Variants in DIAPH2 observed in about 807,000 individuals in gnomAD.
DIAPH2 encodes the protein diaphanous related formin 2.
DIAPH2 carries 35 observed loss-of-function variants against 92.7 expected under a neutral mutation model. The ratio of observed to expected loss-of-function variants is 0.38; its 90% CI spans 0.29 to 0.50. The LOEUF (loss-of-function observed/expected upper bound fraction) is 0.50. DIAPH2 is among the 20% of genes least tolerant of loss of function. The pLI is 0.94. For missense variants in DIAPH2, 701 were observed against 819.5 expected, an observed-to-expected ratio of 0.86 and a Z score of 1.77; for synonymous variants, 301 against 280.4, an observed-to-expected ratio of 1.07 and a Z score of -0.73.
At position 96,754,923 on chromosome X, in the gene DIAPH2, C is replaced by CAAA. The variant is rs1007573600; in HGVS notation, c.343-3204_343-3202dup. 2.7e-3 allele frequency among the ~76,000 whole-genome samples: 43 copies of CAAA among 15,994 alleles called. 1 individual carries two copies. The highest frequency in any genetic ancestry group is 4.0e-3 in the Non-Finnish European group (37 of 9,332). 13.9% of individuals were successfully genotyped at this position (15,994 alleles called of 115,157 possible). On this transcript the variant is annotated intron_variant, in intron 3 of 26. Coordinates refer to ENST00000324765, the MANE Select transcript of DIAPH2 (RefSeq NM_006729.5). ...TGGGCAACAGAGCAAGTCTCCACCT[C>CAAA]AAAAAAAAAAAAAAAAAAAAAAAAA... is the stretch of plus-strand genomic sequence containing the variant.
chrX:96,851,472 C>A (rs777370402), intron 4 of DIAPH2, among the ~76,000 whole-genome samples: 14 of 111,696 alleles, frequency 1.3e-4, no homozygotes, highest in African/African-American at 3.3e-4. Flanking sequence ...AACCACCCCC[C>A]CTTGCCAAAT....
At chrX:97,181,337 CTG>C (rs1169108762) in intron 22 of DIAPH2, among the ~76,000 whole-genome samples, 6 of 111,231 alleles carry the variant, frequency 5.4e-5, no homozygotes, top group African/African-American at 2.0e-4. Context: ...TCCCAACATA[CTG>C]TGATTACAGG....
At chrX:96,753,057 T>C (rs1254533198) in intron 3 of DIAPH2, among the ~76,000 whole-genome samples, 1 of 111,751 alleles carries the variant, frequency 8.9e-6, no homozygotes, top group Non-Finnish European at 1.9e-5. Flanking sequence ...GAAATGTCAC[T>C]GGAAGCAGAG....
intron 22 of DIAPH2, among the ~76,000 whole-genome samples, chrX:97,223,338 T>C (rs1183905274): frequency 1.8e-5 from 2 of 111,490 alleles, no homozygotes; most frequent in Non-Finnish European, 1.9e-5. Flanking sequence ...CTCCCTAAAT[T>C]TCAGGCCACT....
chrX:97,055,181 C>T (rs191554853), intron 17 of DIAPH2, among the ~76,000 whole-genome samples: 162 of 108,062 alleles, frequency 1.5e-3, no homozygotes, highest in African/African-American at 5.4e-3. Flanking sequence ...CCTCCCAAAG[C>T]GCTGGGATTA....
intron 26 of DIAPH2, among the ~76,000 whole-genome samples, chrX:97,454,308 G>T (rs1228280464): frequency 9.0e-6 from 1 of 111,250 alleles, no homozygotes; most frequent in Non-Finnish European, 1.9e-5. Flanking sequence ...TGGAAGAGAT[G>T]AAATAATTAT....
intron 7 of DIAPH2, among the ~76,000 whole-genome samples, chrX:96,912,816 A>G (rs1157986519): frequency 1.8e-5 from 2 of 110,717 alleles, no homozygotes; most frequent in Non-Finnish European, 3.8e-5. Flanking sequence ...GTACTAATTA[A>G]TTGTAGACTA....
At chrX:96,882,198 G>A (rs1304456466) in intron 5 of DIAPH2, among the ~76,000 whole-genome samples, 3 of 109,253 alleles carry the variant, frequency 2.7e-5, no homozygotes, top group Non-Finnish European at 5.7e-5. Context: ...CTACAGGCAC[G>A]CACCATCATG....
At position 96,948,977 on chromosome X, in the gene DIAPH2, C is replaced by A; in HGVS notation, c.1552C>A (p.Leu518Ile). The stretch of plus-strand genomic sequence containing the variant: ...AGCTCGACAGGAAGCTCAAGCAGAG[C>A]TTCAAAAAAGAGATGAGAAAATCAA... Reference protein sequence around the residue: ...FTARQEAQAELQKRDEKIKEL... With the variant: ...FTARQEAQAEIQKRDEKIKEL... The change falls in exon 15 of 27, where the codon CTT (leucine) becomes ATT (isoleucine). Residue 518 changes from leucine (L) to isoleucine (I), a missense_variant. By Grantham distance (5) the Leu-to-Ile change is conservative. Coordinates refer to ENST00000324765, the MANE Select transcript of DIAPH2 (RefSeq NM_006729.5). The A allele has an allele frequency of 8.3e-7, 1 of 1,204,084 alleles. No homozygotes were observed. The highest frequency in any genetic ancestry group is 1.7e-5 in the African/African-American group (1 of 57,474).
At chrX:97,397,804 A>G (rs1295358635) in intron 25 of DIAPH2, among the ~76,000 whole-genome samples, 1 of 112,275 alleles carries the variant, frequency 8.9e-6, no homozygotes, top group Non-Finnish European at 1.9e-5. Context: ...TTGAGTCACT[A>G]CCTTGTCTGA....
intron 23 of DIAPH2, among the ~76,000 whole-genome samples, chrX:97,257,267 T>C (rs2068245380): frequency 9.0e-6 from 1 of 111,387 alleles, no homozygotes; most frequent in Admixed American, 9.6e-5. Flanking sequence ...CAGCTACTTA[T>C]TTAAGGCTAA....
intron 1 of DIAPH2, among the ~76,000 whole-genome samples, chrX:96,711,354 T>G (rs1422702250): frequency 1.8e-5 from 2 of 111,977 alleles, no homozygotes; most frequent in African/African-American, 3.2e-5. Flanking sequence ...ATTTTTTGAT[T>G]TTTAGATTAT....
intron 22 of DIAPH2, among the ~76,000 whole-genome samples, chrX:97,220,435 G>A (rs1226435070): frequency 9.0e-6 from 1 of 110,869 alleles, no homozygotes; most frequent in East Asian, 2.8e-4. Context: ...GGGTTTTGAG[G>A]AGAGCAAAGA....
chrX:97,017,154 C>T (rs1196111585), intron 17 of DIAPH2, among the ~76,000 whole-genome samples: 1 of 111,879 alleles, frequency 8.9e-6, no homozygotes, highest in Non-Finnish European at 1.9e-5. Flanking sequence ...TACCAGAAAA[C>T]ATTAACCCTG....
chrX:97,209,954 G>T (rs1334866313), intron 22 of DIAPH2, among the ~76,000 whole-genome samples: 3 of 110,430 alleles, frequency 2.7e-5, no homozygotes, highest in Non-Finnish European at 5.7e-5. Context: ...TATACCTTTT[G>T]CACATCTGAA....
At position 97,126,348 on chromosome X, in the gene DIAPH2, C is replaced by T. The variant is rs143769629; in HGVS notation, c.2589+11383C>T. ...AACCTTAACAAGGAGAGCTCATGTC[C>T]ATGGAAGGAAGTTTATAAAGTAGCA... On this transcript the variant is annotated intron_variant, in intron 21 of 26. Transcript: ENST00000324765. 2.6e-4 allele frequency among the ~76,000 whole-genome samples: 29 copies of T among 111,619 alleles called. No homozygotes were observed. The East Asian group carries it at 8.2e-3, about 31-fold the overall frequency.
At chrX:97,181,461 G>C (rs1389679374) in intron 22 of DIAPH2, among the ~76,000 whole-genome samples, 1 of 111,628 alleles carries the variant, frequency 9.0e-6, no homozygotes, top group African/African-American at 3.3e-5. Context: ...GCCCAGGCTG[G>C]AGTGCAATGG....
chrX:97,577,086 G>A (rs1334103792), intron 26 of DIAPH2, among the ~76,000 whole-genome samples: 1 of 111,688 alleles, frequency 9.0e-6, no homozygotes, highest in African/African-American at 3.3e-5. Context: ...GTCATTTTAT[G>A]TACTACTTCA....
At chrX:97,541,861 A>G (rs1039861963) in intron 26 of DIAPH2, among the ~76,000 whole-genome samples, 5 of 112,750 alleles carry the variant, frequency 4.4e-5, no homozygotes, top group East Asian at 5.5e-4. Flanking sequence ...ACATCCTTCT[A>G]TAATTCTAAA....
Sources: allele counts gnomAD v4.1 joint callset (sites outside exome capture counted in the v4.1 genomes callset), GRCh38; gene constraint gnomAD v4.1.1; transcripts MANE v1.5; gene names NCBI Gene and HGNC (gene_info 2026-07-23, HGNC 2026-07-21).